KCNC2: variants seen among roughly 807,000 people sequenced by gnomAD.
KCNC2 encodes voltage-gated potassium channel KCNC2.
KCNC2 carries 21 observed loss-of-function variants against 44.5 expected under a neutral mutation model. The ratio of observed to expected loss-of-function variants is 0.47; its 90% CI spans 0.33 to 0.68. KCNC2 has a LOEUF of 0.68. Among genes scored for constraint, KCNC2 ranks in the 30% least tolerant of loss-of-function variants. KCNC2 has a pLI of 0.01. For missense variants in KCNC2, 589 were observed against 826.2 expected, an observed-to-expected ratio of 0.71 and a Z score of 3.52; for synonymous variants, 391 against 339.1, an observed-to-expected ratio of 1.15 and a Z score of -1.68.
At chr12:75,187,464 C>T (rs1038532482) in intron 2 of KCNC2, among the ~76,000 whole-genome samples, 16 of 152,304 alleles carry the variant, frequency 1.1e-4, no homozygotes, top group Admixed American at 5.2e-4. Context: ...CAACCTTTTT[C>T]TTTGTCCCAA....
At chr12:75,072,037 C>G (rs1429364884) in intron 2 of KCNC2, among the ~76,000 whole-genome samples, 1 of 146,832 alleles carries the variant, frequency 6.8e-6, no homozygotes, top group African/African-American at 2.5e-5. Flanking sequence ...ATAGAAATCA[C>G]TCAGTATGCA....
chr12:75,080,397 T>G lies in KCNC2; in HGVS notation c.688-29080A>C, dbSNP rs558380951. On this transcript the variant is annotated intron_variant, in intron 2 of 4. Coordinates refer to ENST00000549446, the MANE Select transcript of KCNC2 (RefSeq NM_139137.4). ...TCCAGAAGTGATAACTTAGAAAAAG[T>G]ATAAAAAGAAGGAGAAAAAAAAAAC... 1.6e-3 allele frequency among the ~76,000 whole-genome samples: 240 copies of G among 151,170 alleles called. 1 individual carries two copies. Among genetic ancestry groups the G allele is most frequent in the South Asian group, 8.1e-3 (39 of 4,794 alleles).
chr12:75,116,351 T>C (rs1339456073), intron 2 of KCNC2, among the ~76,000 whole-genome samples: 3 of 152,144 alleles, frequency 2.0e-5, no homozygotes, highest in African/African-American at 4.8e-5. Flanking sequence ...AGTGATATTG[T>C]TGGAATTGTT....
intron 2 of KCNC2, among the ~76,000 whole-genome samples, chr12:75,160,575 G>A (rs1891056590): frequency 6.6e-6 from 1 of 151,766 alleles, no homozygotes; most frequent in Admixed American, 6.6e-5. Flanking sequence ...ACTGAAATGT[G>A]TGACTTATAG....
At chr12:75,137,559 C>T (rs867295352) in intron 2 of KCNC2, among the ~76,000 whole-genome samples, 1 of 152,102 alleles carries the variant, frequency 6.6e-6, no homozygotes, top group African/African-American at 2.4e-5. Flanking sequence ...TTAAAAACAG[C>T]TGTATTATAA....
At chr12:75,188,172 G>A (rs1336819325) in intron 2 of KCNC2, among the ~76,000 whole-genome samples, 10 of 152,162 alleles carry the variant, frequency 6.6e-5, no homozygotes, top group Non-Finnish European at 4.4e-5. Context: ...TGTGCTACTG[G>A]ATGGCCAGAG....
At chr12:75,074,497 A>C (rs1490586034) in intron 2 of KCNC2, among the ~76,000 whole-genome samples, 1 of 152,150 alleles carries the variant, frequency 6.6e-6, no homozygotes, top group African/African-American at 2.4e-5. Context: ...TTAACATCAT[A>C]TCAAGTTTCC....
At chr12:75,146,592 T>G (rs1890045055) in intron 2 of KCNC2, among the ~76,000 whole-genome samples, 1 of 152,240 alleles carries the variant, frequency 6.6e-6, no homozygotes, top group African/African-American at 2.4e-5. Flanking sequence ...TTAAAAATAG[T>G]GCAACCATTA....
chr12:75,160,459 G>C (rs758989993), intron 2 of KCNC2, among the ~76,000 whole-genome samples: 1 of 151,782 alleles, frequency 6.6e-6, no homozygotes, highest in Non-Finnish European at 1.5e-5. Context: ...TCAATACTTT[G>C]CCCAAAATCA....
intron 2 of KCNC2, among the ~76,000 whole-genome samples, chr12:75,084,282 TA>T (rs1431715209): frequency 5.1e-5 from 6 of 117,342 alleles, no homozygotes. Context: ...GATAGATAGA[TA>T]GATAGATGAT....
At chr12:75,073,017 C>T (rs1050886084) in intron 2 of KCNC2, among the ~76,000 whole-genome samples, 1 of 152,114 alleles carries the variant, frequency 6.6e-6, no homozygotes, top group South Asian at 2.1e-4. Context: ...AAACCCAAAT[C>T]TGATCTAAAC....
In KCNC2 at chr12:75,143,076, G is replaced by A. The variant is rs115427488; in HGVS notation, c.687+64221C>T. 2.4e-3 allele frequency among the ~76,000 whole-genome samples: 370 copies of A among 152,218 alleles called. 3 individuals are homozygous for A. Among genetic ancestry groups the A allele is most frequent in the African/African-American group, 8.6e-3 (359 of 41,516 alleles). ...AGTTCTGCATCCTCAGAATGGGTCC[G>A]TCTCAGAGGCCTTTAGAAATGATGA... On this transcript the variant is annotated intron_variant, in intron 2 of 4. Coordinates refer to ENST00000549446, the MANE Select transcript of KCNC2 (RefSeq NM_139137.4).
At chr12:75,200,922 T>G (rs2031191008) in intron 2 of KCNC2, among the ~76,000 whole-genome samples, 1 of 151,730 alleles carries the variant, frequency 6.6e-6, no homozygotes, top group African/African-American at 2.4e-5. Flanking sequence ...AGACTGTCCC[T>G]TTTATATAAA....
chr12:75,042,663 C>T lies in KCNC2; in HGVS notation c.*442G>A. ...GGTGATAGAGACAAGATGGTCCATG[C>T]AAATGAGCTGACACAAGTCATGTCG... On this transcript the variant is annotated 3_prime_UTR_variant, in exon 5 of 5. Transcript: ENST00000549446. 8.3e-7 allele frequency: 1 copy of T among 1,208,584 alleles called. No homozygotes were observed. The highest frequency in any genetic ancestry group is 1.0e-6 in the Non-Finnish European group (1 of 969,806). The allele number at this position is 1,208,584 out of a possible 1,614,324, so 74.9% of individuals were successfully genotyped here. A position where few individuals can be genotyped will look rare whatever the true frequency, so the allele number is the denominator to read the frequency against.
At chr12:75,124,586 C>T (rs1022028923) in intron 2 of KCNC2, among the ~76,000 whole-genome samples, 13 of 152,042 alleles carry the variant, frequency 8.6e-5, no homozygotes, top group African/African-American at 2.7e-4. Context: ...GTTTTATATA[C>T]ATTAAAGAAG....
At position 75,097,479 on chromosome 12, in the gene KCNC2, A is replaced by G. The variant is rs560265254; in HGVS notation, c.688-46162T>C. Among the ~76,000 whole-genome samples the G allele has an allele frequency of 3.3e-4, 50 of 152,294 alleles. 1 individual carries two copies. In the Middle Eastern group the frequency reaches 0.014, roughly 41 times the overall value. On this transcript the variant is annotated intron_variant, in intron 2 of 4. Coordinates refer to ENST00000549446, the MANE Select transcript of KCNC2 (RefSeq NM_139137.4). ...CACACTAATGCTATATGCTGATAAT[A>G]GAGGAAAATGGGAGGAGGAACATAA...
chr12:75,204,811 T>G (rs2031559576), intron 2 of KCNC2, among the ~76,000 whole-genome samples: 1 of 152,134 alleles, frequency 6.6e-6, no homozygotes, highest in African/African-American at 2.4e-5. Context: ...TGGTGACTTA[T>G]GATTACTTTT....
intron 2 of KCNC2, among the ~76,000 whole-genome samples, chr12:75,154,044 G>A (rs1890594813): frequency 6.6e-6 from 1 of 151,894 alleles, no homozygotes; most frequent in Non-Finnish European, 1.5e-5. Context: ...TTGTTCAAGA[G>A]TCAACTATAA....
chr12:75,191,078 T>A (rs527437846), intron 2 of KCNC2, among the ~76,000 whole-genome samples: 1 of 152,232 alleles, frequency 6.6e-6, no homozygotes, highest in African/African-American at 2.4e-5. Context: ...TGTAATGGAC[T>A]GCAAGACACC....
Sources: gnomAD v4.1 joint callset for allele counts (sites outside exome capture counted in the v4.1 genomes callset) on GRCh38, gnomAD v4.1.1 for gene constraint, MANE v1.5 for transcripts, NCBI Gene and HGNC (gene_info 2026-07-23, HGNC 2026-07-21) for gene names.